Variants in NAV2 observed in about 807,000 individuals in gnomAD.
NAV2 encodes neuron navigator 2.
In NAV2, 54 loss-of-function variants were observed where a neutral mutation model predicts 223.2. The observed-to-expected ratio is 0.24, with a 90% confidence interval of 0.19 to 0.30. NAV2 has a LOEUF of 0.30. NAV2 is among the 10% of genes least tolerant of loss of function. The probability of loss-of-function intolerance (pLI) is 1.00; values close to 1 mark genes in which losing one functional copy is unlikely to be tolerated. For synonymous variants in NAV2, 1,279 were observed against 1,239.3 expected, an observed-to-expected ratio of 1.03 and a Z score of -0.67; for missense variants, 2,806 against 3,147.5, an observed-to-expected ratio of 0.89 and a Z score of 2.60.
chr11:19,627,432 G>T (rs577539472), intron 1 of NAV2, among the ~76,000 whole-genome samples: 1 of 152,064 alleles, frequency 6.6e-6, no homozygotes, highest in Non-Finnish European at 1.5e-5. Flanking sequence ...TGGACCAAGG[G>T]GTCTGTTGGC....
At chr11:19,520,212 C>T (rs1032685451) in intron 1 of NAV2, among the ~76,000 whole-genome samples, 8 of 152,216 alleles carry the variant, frequency 5.3e-5, no homozygotes, top group Non-Finnish European at 7.3e-5. Context: ...CCTTTTATTG[C>T]GATGCACTCA....
At chr11:19,872,291 C>G (rs1328332574) in intron 4 of NAV2, among the ~76,000 whole-genome samples, 7 of 152,106 alleles carry the variant, frequency 4.6e-5, no homozygotes, top group African/African-American at 1.7e-4. Flanking sequence ...TTTAGTACCC[C>G]CAGCAACCTT....
chr11:19,748,947 G>T (rs1467934431), intron 1 of NAV2, among the ~76,000 whole-genome samples: 1 of 152,218 alleles, frequency 6.6e-6, no homozygotes. Context: ...CTGGTGACTG[G>T]CAAAAGCCAG....
chr11:19,371,393 C>A (rs1044634830), intron 1 of NAV2, among the ~76,000 whole-genome samples: 1 of 152,188 alleles, frequency 6.6e-6, no homozygotes, highest in Non-Finnish European at 1.5e-5. Context: ...AACCCTCCCT[C>A]ATTTTACAGG....
At chr11:19,825,369 T>C (rs4757852) in intron 1 of NAV2, among the ~76,000 whole-genome samples, 96,091 of 149,260 alleles carry the variant, frequency 0.64, 31,128 homozygotes, top group Admixed American at 0.69. Flanking sequence ...GCTTCCTGAA[T>C]TGGGGCCAAA....
intron 1 of NAV2, among the ~76,000 whole-genome samples, chr11:19,674,706 A>G (rs936285827): frequency 1.3e-5 from 2 of 152,150 alleles, no homozygotes; most frequent in Non-Finnish European, 2.9e-5. Context: ...CCTGGAACAT[A>G]AGGTTTTCCA....
chr11:20,006,706 G>T (rs1039887618), intron 11 of NAV2, among the ~76,000 whole-genome samples: 2 of 145,734 alleles, frequency 1.4e-5, no homozygotes, highest in African/African-American at 5.4e-5. Flanking sequence ...AAATAAATTA[G>T]CCAGGCATAG....
At chr11:19,935,381 TCA>T (rs1161946582) in intron 7 of NAV2, among the ~76,000 whole-genome samples, 2 of 152,198 alleles carry the variant, frequency 1.3e-5, no homozygotes, top group Non-Finnish European at 2.9e-5. Context: ...ACATTAAAAG[TCA>T]CATATAAGCA....
At chr11:19,558,761 G>T (rs1035344687) in intron 1 of NAV2, among the ~76,000 whole-genome samples, 6 of 152,182 alleles carry the variant, frequency 3.9e-5, no homozygotes, top group Non-Finnish European at 7.3e-5. Flanking sequence ...GGGACAGGCT[G>T]GGGGCTCGGA....
chr11:19,369,361 A>C lies in NAV2; in HGVS notation c.75+18334A>C, dbSNP rs570531966. Reference sequence around the variant, plus strand: ...AAGCTTTTATTGATGATTCAGATTAATAATCTAAAAACCTTTATAAAATGA... The same window carrying C: ...AAGCTTTTATTGATGATTCAGATTACTAATCTAAAAACCTTTATAAAATGA... On this transcript the variant is annotated intron_variant, in intron 1 of 37. Transcript: ENST00000360655. Among the ~76,000 whole-genome samples the C allele has an allele frequency of 2.6e-4, 39 of 152,342 alleles. No individual in the cohort carries two copies. In the South Asian group the frequency reaches 8.1e-3, roughly 32 times the overall value.
At chr11:19,773,318 G>T (rs920938992) in intron 1 of NAV2, among the ~76,000 whole-genome samples, 2 of 152,190 alleles carry the variant, frequency 1.3e-5, no homozygotes, top group African/African-American at 4.8e-5. Flanking sequence ...TCAGTGAAAG[G>T]CAGATCCAGA....
chr11:20,106,155 GTATATATATATATA>G (rs1554968868), intron 35 of NAV2, among the ~76,000 whole-genome samples: 2 of 31,498 alleles, frequency 6.3e-5, no homozygotes, highest in African/African-American at 1.3e-4. Flanking sequence ...GTGTGTGTGT[GTATATATATATATA>G]TATATATGTG....
At chr11:19,430,048 C>T (rs1182686058) in intron 1 of NAV2, among the ~76,000 whole-genome samples, 1 of 152,220 alleles carries the variant, frequency 6.6e-6, no homozygotes, top group Admixed American at 6.5e-5. Flanking sequence ...TCAGCTCAAA[C>T]CTGGTCTAGA....
intron 1 of NAV2, among the ~76,000 whole-genome samples, chr11:19,825,651 T>A (rs1031202895): frequency 6.6e-6 from 1 of 152,242 alleles, no homozygotes; most frequent in African/African-American, 2.4e-5. Flanking sequence ...TCTTTAGTGC[T>A]ACCCGGCTTC....
chr11:19,996,163 A>T (rs542089501), intron 11 of NAV2, among the ~76,000 whole-genome samples: 1 of 152,216 alleles, frequency 6.6e-6, no homozygotes, highest in Non-Finnish European at 1.5e-5. Flanking sequence ...GGGCAAAGTT[A>T]GGATTTGAAT....
chr11:19,421,353 A>G (rs560519254), intron 1 of NAV2, among the ~76,000 whole-genome samples: 2 of 152,292 alleles, frequency 1.3e-5, no homozygotes, highest in Admixed American at 6.5e-5. Flanking sequence ...ACCTGGCTCT[A>G]AGGCGTGCAT....
chr11:19,871,408 TG>T, intron 4 of NAV2, among the ~76,000 whole-genome samples: 1 of 152,210 alleles, frequency 6.6e-6, no homozygotes, highest in South Asian at 2.1e-4. Flanking sequence ...CCCCTTCCCA[TG>T]TTCTTGTGCC....
chr11:19,713,038 G>T lies in NAV2; in HGVS notation c.-658G>T, dbSNP rs1345157417. Reference sequence around the variant, plus strand: ...TGCTCTCAGTCCGGGGGCCTTCTGGGCAGCGGTGACTGTCACCCCAAGAGA... The same window carrying T: ...TGCTCTCAGTCCGGGGGCCTTCTGGTCAGCGGTGACTGTCACCCCAAGAGA... On this transcript the variant is annotated 5_prime_UTR_variant, in exon 1 of 38. Coordinates refer to ENST00000349880, the MANE Select transcript of NAV2 (RefSeq NM_145117.5). This position sits in a 1 kb window ranked among gnomAD's most constrained non-coding sequence, Gnocchi z 7.2. Among the ~76,000 whole-genome samples, 1 of 152,182 alleles carries T rather than the reference G, an allele frequency of 6.6e-6. No individual in the cohort carries two copies. Among genetic ancestry groups the T allele is most frequent in the African/African-American group, 2.4e-5 (1 of 41,458 alleles).
rs532781039 is a variant in NAV2 at position 19,402,304 on chromosome 11, C to T, written c.75+51277C>T. Among the ~76,000 whole-genome samples the T allele has an allele frequency of 2.6e-5, 4 of 152,270 alleles. No individual in the cohort carries two copies. The East Asian group carries it at 7.7e-4, about 29-fold the overall frequency. On this transcript the variant is annotated intron_variant, in intron 1 of 37. Transcript: ENST00000360655. ...ACTTATGTTTCTGTGCCTAAATTTC[C>T]TCATGTGTAAAATAAGGATAACAAT...
Sources: gnomAD v4.1 joint callset for allele counts (sites outside exome capture counted in the v4.1 genomes callset) on GRCh38, gnomAD v4.1.1 for gene constraint, Gnocchi (gnomAD v3.1) non-coding constraint, MANE v1.5 for transcripts, NCBI Gene and HGNC (gene_info 2026-07-23, HGNC 2026-07-21) for gene names.